The following CFAP74 variants were observed in gnomAD, a reference collection of about 807,000 sequenced individuals.
CFAP74 encodes the protein cilia- and flagella-associated protein 74.
A neutral mutation model predicts 188.9 loss-of-function variants in CFAP74; 124 were observed. The observed-to-expected ratio is 0.66, with a 90% confidence interval of 0.57 to 0.76. CFAP74 has a LOEUF of 0.76. Ranked by LOEUF, CFAP74 falls within the 30% of genes least tolerant of loss-of-function variation. CFAP74 has a pLI of 0.00. For synonymous variants in CFAP74, 956 were observed against 916.7 expected (o/e 1.04, Z -0.77); for missense variants, 2,198 against 2,165.2 (o/e 1.02, Z -0.30).
At chr1:1,929,938 C>T (rs1275260560) in intron 26 of CFAP74, 122 bp downstream of exon 26, 1 of 1,166,512 alleles carries the variant, frequency 8.6e-7, no homozygotes, top group East Asian at 2.6e-5. Context: ...AGGTTCACTC[C>T]CGCCCCTGTT....
At chr1:1,981,594 A>G (rs370109722) in intron 6 of CFAP74, among the ~76,000 whole-genome samples, 61 of 54,080 alleles carry the variant, frequency 1.1e-3, no homozygotes, top group East Asian at 2.0e-3. Context: ...AGACACGGGG[A>G]CACGCAGGAC....
At chr1:1,928,042 C>A in intron 27 of CFAP74, 1 of 446,454 alleles carries the variant, frequency 2.2e-6, no homozygotes, top group Non-Finnish European at 4.2e-6. Context: ...CCCCTATCTT[C>A]ACCGCGGAAG....
chr1:1,957,801 T>C (rs1654764192), intron 16 of CFAP74, among the ~76,000 whole-genome samples: 1 of 151,780 alleles, frequency 6.6e-6, no homozygotes, highest in Admixed American at 6.6e-5. Flanking sequence ...CCCCTGGCCC[T>C]GGTGCTCGGT....
rs764792838 is a variant in CFAP74 at position 1,923,981 on chromosome 1, T to A, written c.4235-52A>T. The A allele has an allele frequency of 1.3e-6, 2 of 1,564,702 alleles. No homozygotes were observed. The highest frequency in any genetic ancestry group is 1.7e-6 in the Non-Finnish European group (2 of 1,152,934). On this transcript the variant is annotated intron_variant, in intron 34 of 38. Transcript: ENST00000682832. The surrounding 1 kb of genome is among the most constrained non-coding windows in gnomAD (Gnocchi z 6.3). ...GCCTTCTCCACCTGCAATCACTGTC[T>A]GCCCTCCAAGCCTTGCTGCATAGAG...
intron 18 of CFAP74, chr1:1,954,680 A>C (rs963155594): frequency 2.3e-5 from 9 of 387,246 alleles, no homozygotes; most frequent in Non-Finnish European, 3.3e-5. Context: ...GCTACTCAGG[A>C]GCTGAGGCAG....
intron 14 of CFAP74, among the ~76,000 whole-genome samples, chr1:1,960,779 G>A (rs1655030084): frequency 6.6e-6 from 1 of 152,236 alleles, no homozygotes; most frequent in Non-Finnish European, 1.5e-5. Context: ...ACTGCACAGA[G>A]CCCGGGATGG....
chr1:1,948,422 T>TATAC lies in CFAP74; in HGVS notation c.2177-1369_2177-1368insGTAT, dbSNP rs1156554789. Among the ~76,000 whole-genome samples, 151 of 148,532 alleles carry TATAC rather than the reference T, an allele frequency of 1.0e-3. 1 individual carries two copies. The highest frequency in any genetic ancestry group is 3.5e-3 in the African/African-American group (143 of 40,384). ...TGCTTGGCATATATAAATATATATA[T>TATAC]ATATATTTATGTGTATATTGGTAGA... On this transcript the variant is annotated intron_variant, in intron 18 of 38. Coordinates refer to ENST00000682832, the MANE Select transcript of CFAP74 (RefSeq NM_001304360.2).
At chr1:1,956,205 C>A (rs1352619993) in intron 17 of CFAP74, among the ~76,000 whole-genome samples, 2 of 152,242 alleles carry the variant, frequency 1.3e-5, no homozygotes, top group African/African-American at 2.4e-5. Flanking sequence ...AGCCTTGGGA[C>A]ACCCATACCC....
At chr1:1,956,001 G>A (rs376487653) in intron 17 of CFAP74, 151 bp from the exon 18 acceptor site, 23 of 1,364,942 alleles carry the variant, frequency 1.7e-5, no homozygotes, top group African/African-American at 1.5e-4. Flanking sequence ...GCCTGCTCTC[G>A]TCTCACCCAT....
intron 14 of CFAP74, 31 bp downstream of exon 14, chr1:1,963,718 G>C: frequency 7.0e-7 from 1 of 1,421,648 alleles, no homozygotes; most frequent in South Asian, 1.2e-5. Flanking sequence ...TCCCTGCACC[G>C]CGTCCCTCCC....
At chr1:1,933,333 C>A (rs1018717853) in intron 25 of CFAP74, among the ~76,000 whole-genome samples, 5 of 151,782 alleles carry the variant, frequency 3.3e-5, no homozygotes, top group African/African-American at 4.8e-5. Context: ...GTGTGCAGCA[C>A]CTTACCTGGC....
intron 20 of CFAP74, among the ~76,000 whole-genome samples, chr1:1,946,010 CTGCG>C (rs1653742235): frequency 6.9e-6 from 1 of 145,238 alleles, no homozygotes; most frequent in Non-Finnish European, 1.5e-5. Flanking sequence ...GTGTGCGGGA[CTGCG>C]TGTGTGCGTG....
chr1:1,978,125 GGCGTGA>G (rs1010757609), intron 6 of CFAP74, among the ~76,000 whole-genome samples: 100 of 152,364 alleles, frequency 6.6e-4, no homozygotes, highest in African/African-American at 2.3e-3. Flanking sequence ...TGGGATTACA[GGCGTGA>G]GCCACTGCAT....
intron 9 of CFAP74, among the ~76,000 whole-genome samples, chr1:1,971,109 GCACACACATGCTCACACGTGCA>G (rs1558042338): frequency 4.5e-5 from 6 of 133,488 alleles, no homozygotes; most frequent in African/African-American, 1.8e-4. Flanking sequence ...GCACACGTGT[GCACACACATGCTCACACGTGCA>G]CACACATGCT....
chr1:1,930,986 T>C (rs771231832), intron 25 of CFAP74, among the ~76,000 whole-genome samples: 76 of 152,202 alleles, frequency 5.0e-4, no homozygotes, highest in Non-Finnish European at 2.8e-4. Context: ...ATTTTCCCCA[T>C]TGATTTTTGT....
intron 26 of CFAP74, among the ~76,000 whole-genome samples, chr1:1,929,306 C>T (rs28685049): frequency 0.4 from 20,886 of 52,098 alleles, 2,688 homozygotes; most frequent in Non-Finnish European, 0.43. Flanking sequence ...ACAGAAGGGT[C>T]CCTCCATGAC....
intron 18 of CFAP74, chr1:1,954,753 A>C: frequency 9.5e-7 from 1 of 1,051,216 alleles, no homozygotes; most frequent in Non-Finnish European, 1.2e-6. Context: ...ACTGCACTCC[A>C]GCCTAGGCGA....
intron 25 of CFAP74, among the ~76,000 whole-genome samples, chr1:1,936,672 A>C (rs1652919412): frequency 6.6e-6 from 1 of 152,078 alleles, no homozygotes. Flanking sequence ...GGGAGGCTGA[A>C]GCGGGAGGAT....
chr1:1,986,226 T>C (rs1433657729), intron 5 of CFAP74, among the ~76,000 whole-genome samples: 1 of 151,454 alleles, frequency 6.6e-6, no homozygotes, highest in Non-Finnish European at 1.5e-5. Flanking sequence ...CTACTAAAAA[T>C]ACAAAAAAAA....
Sources: gnomAD v4.1 joint callset for allele counts (sites outside exome capture counted in the v4.1 genomes callset) on GRCh38, gnomAD v4.1.1 for gene constraint, Gnocchi (gnomAD v3.1) non-coding constraint, MANE v1.5 for transcripts, NCBI Gene and HGNC (gene_info 2026-07-23, HGNC 2026-07-21) for gene names.